The following HTATIP2 variants were observed in gnomAD, a reference collection of about 807,000 sequenced individuals.
HTATIP2 encodes the protein HIV-1 Tat interactive protein 2, also known as protein HTATIP2.
A neutral mutation model predicts 24.7 loss-of-function variants in HTATIP2; 26 were observed. That is an observed-to-expected ratio of 1.05 (90% confidence interval 0.77 to 1.46). The LOEUF is 1.46. HTATIP2 is among the 40% of genes most tolerant of loss of function. HTATIP2 has a pLI of 0.00. For missense variants in HTATIP2, 284 were observed against 289.6 expected (o/e 0.98, Z 0.14); for synonymous variants, 99 against 113.2 (o/e 0.87, Z 0.79).
Position 20,363,768 on chromosome 11 carries a change from G to T in HTATIP2, c.-470G>T. On this transcript the variant is annotated 5_prime_UTR_variant, in exon 1 of 5. Coordinates refer to ENST00000451739, the MANE Select transcript of HTATIP2 (RefSeq NM_001098522.2). ...AAGCCGGGTAGGCGCTGTCTCCGTC[G>T]CCTCCAACCCCCCCGGTCCGACCAG... 1.6e-6 allele frequency: 2 copies of T among 1,238,352 alleles called. No homozygotes were observed. Among genetic ancestry groups the T allele is most frequent in the Non-Finnish European group, 2.0e-6 (2 of 987,020 alleles). 76.7% of individuals were successfully genotyped at this position (1,238,352 alleles called of 1,614,324 possible).
intron 2 of HTATIP2, among the ~76,000 whole-genome samples, chr11:20,374,801 A>C (rs945738135): frequency 1.3e-5 from 2 of 152,200 alleles, no homozygotes; most frequent in African/African-American, 4.8e-5. Flanking sequence ...TGTTTGTTAC[A>C]ACAAAATGAC....
chr11:20,376,708 A>G lies in HTATIP2; in HGVS notation c.432A>G (p.Leu144=), dbSNP rs778354296. Reference sequence around the variant, plus strand: ...ATAAATCAAGCAATTTTTTATATCTACAAGTTAAGGTTTGTGCAAGTTTCT... The same window carrying G: ...ATAAATCAAGCAATTTTTTATATCTGCAAGTTAAGGTTTGTGCAAGTTTCT... ...GADKSSNFLY[L]QVKGEVEAKV... Residue 144 remains leucine (L), a synonymous_variant, in exon 3 of 5, where the codon CTA becomes CTG. Transcript: ENST00000451739. 1.2e-6 allele frequency: 2 copies of G among 1,610,008 alleles called. No individual in the cohort carries two copies. The highest frequency in any genetic ancestry group is 2.2e-5 in the East Asian group (1 of 44,888).
chr11:20,364,909 A>T (rs2064678988), intron 1 of HTATIP2, among the ~76,000 whole-genome samples: 2 of 151,998 alleles, frequency 1.3e-5, no homozygotes, highest in South Asian at 4.1e-4. Flanking sequence ...TTATTCACTT[A>T]CAAGAATTTG....
intron 2 of HTATIP2, among the ~76,000 whole-genome samples, chr11:20,368,196 A>G (rs1225181333): frequency 1.3e-5 from 2 of 151,440 alleles, no homozygotes; most frequent in Admixed American, 6.6e-5. Context: ...AAAAGAAAAA[A>G]TATATATATA....
intron 3 of HTATIP2, among the ~76,000 whole-genome samples, chr11:20,377,872 A>G (rs59057762): frequency 0.088 from 13,303 of 151,998 alleles, 775 homozygotes; most frequent in Admixed American, 0.17. Flanking sequence ...GGAGATTATG[A>G]CCCCCTTAAT....
At chr11:20,368,361 A>T (rs912031061) in intron 2 of HTATIP2, among the ~76,000 whole-genome samples, 4 of 152,164 alleles carry the variant, frequency 2.6e-5, no homozygotes, top group Non-Finnish European at 4.4e-5. Context: ...TTGTGATGCA[A>T]AGAGTAATTC....
chr11:20,367,635 A>G (rs2064725501), intron 2 of HTATIP2: 18 of 1,255,538 alleles, frequency 1.4e-5, no homozygotes, highest in Non-Finnish European at 1.8e-5. Flanking sequence ...TTTCCCCTTA[A>G]TAAATGTTTG....
intron 2 of HTATIP2, among the ~76,000 whole-genome samples, chr11:20,370,712 C>T (rs1360640003): frequency 6.6e-6 from 1 of 152,128 alleles, no homozygotes; most frequent in East Asian, 1.9e-4. Flanking sequence ...TGCAGTGGCG[C>T]AATCTCGGCT....
chr11:20,363,867 T>A lies in HTATIP2; in HGVS notation c.-371T>A. 8.0e-7 allele frequency: 1 copy of A among 1,243,966 alleles called. No individual in the cohort carries two copies. Among genetic ancestry groups the A allele is most frequent in the South Asian group, 4.0e-5 (1 of 25,108 alleles). 77.1% of individuals were successfully genotyped at this position (1,243,966 alleles called of 1,614,324 possible). ...GCGGCGGCTGCTCTGGCGGCCGCCC[T>A]GCTCCTGCTGCGTCGTGAGGACCCG... is the stretch of plus-strand genomic sequence containing the variant. On this transcript the variant is annotated 5_prime_UTR_variant, in exon 1 of 5. Coordinates refer to ENST00000451739, the MANE Select transcript of HTATIP2 (RefSeq NM_001098522.2).
chr11:20,370,022 A>C (rs2064754769), intron 2 of HTATIP2, among the ~76,000 whole-genome samples: 1 of 152,168 alleles, frequency 6.6e-6, no homozygotes, highest in Admixed American at 6.5e-5. Context: ...TGGCTCCCTG[A>C]CTTGGCCCTG....
Position 20,364,150 on chromosome 11 carries a change from A to G in HTATIP2, c.-88A>G. ...GCGGAGAACAATATCCTCCTCCCTA[A>G]CAGATAAACAGCCCTTGTTCCTCGG... is the stretch of plus-strand genomic sequence containing the variant. On this transcript the variant is annotated 5_prime_UTR_variant, in exon 1 of 5. The change abolishes the stop of an existing upstream ORF in the 5' untranslated region. Coordinates refer to ENST00000451739, the MANE Select transcript of HTATIP2 (RefSeq NM_001098522.2). The G allele has an allele frequency of 6.7e-7, 1 of 1,497,282 alleles. No homozygotes were observed. Among genetic ancestry groups the G allele is most frequent in the East Asian group, 2.3e-5 (1 of 42,890 alleles). 92.7% of individuals were successfully genotyped at this position (1,497,282 alleles called of 1,614,324 possible).
At chr11:20,369,584 C>T (rs78346517) in intron 2 of HTATIP2, among the ~76,000 whole-genome samples, 3,600 of 152,216 alleles carry the variant, frequency 0.024, 142 homozygotes, top group African/African-American at 0.082. Context: ...GAGGCTGAGC[C>T]CTTGAGTTTC....
At chr11:20,371,655 T>C (rs1405941405) in intron 2 of HTATIP2, among the ~76,000 whole-genome samples, 1 of 151,972 alleles carries the variant, frequency 6.6e-6, no homozygotes, top group Non-Finnish European at 1.5e-5. Flanking sequence ...CCCAGGCTGG[T>C]CTTGAACTCC....
At chr11:20,365,877 G>T (rs549624208) in intron 1 of HTATIP2, among the ~76,000 whole-genome samples, 1 of 150,792 alleles carries the variant, frequency 6.6e-6, no homozygotes, top group Admixed American at 6.6e-5. Flanking sequence ...AGGCGGAGGT[G>T]CGAGAATCAC....
At chr11:20,367,575 A>G in intron 2 of HTATIP2, 5 of 1,392,142 alleles carry the variant, frequency 3.6e-6, no homozygotes, top group Admixed American at 3.4e-5. Flanking sequence ...AAGGGAAACC[A>G]TGATGTCTGA....
At chr11:20,382,153 C>G (rs553076258) in intron 3 of HTATIP2, 25 bp from the exon 4 acceptor site, 2 of 1,442,834 alleles carry the variant, frequency 1.4e-6, no homozygotes, top group Non-Finnish European at 2.0e-6. Flanking sequence ...CGATTAAATA[C>G]TGAAAATGTG....
chr11:20,365,198 A>T (rs1215925324), intron 1 of HTATIP2, among the ~76,000 whole-genome samples: 1 of 152,132 alleles, frequency 6.6e-6, no homozygotes, highest in Non-Finnish European at 1.5e-5. Context: ...CATGTTGGCC[A>T]GGCTGGTCTC....
intron 3 of HTATIP2, among the ~76,000 whole-genome samples, chr11:20,379,285 C>T (rs1453477392): frequency 1.3e-5 from 2 of 152,202 alleles, no homozygotes; most frequent in Non-Finnish European, 2.9e-5. Flanking sequence ...TGCAATTGGC[C>T]TGCATTACCT....
At chr11:20,373,870 T>C (rs990902169) in intron 2 of HTATIP2, among the ~76,000 whole-genome samples, 1 of 152,226 alleles carries the variant, frequency 6.6e-6, no homozygotes, top group African/African-American at 2.4e-5. Context: ...AGTACTTAAA[T>C]TGGTTTGCTT....
Sources: gnomAD v4.1 joint callset for allele counts (sites outside exome capture counted in the v4.1 genomes callset) on GRCh38, gnomAD v4.1.1 for gene constraint, MANE v1.5 for transcripts, NCBI Gene and HGNC (gene_info 2026-07-23, HGNC 2026-07-21) for gene names.